SPTBN4: variants seen among roughly 807,000 people sequenced by gnomAD.
SPTBN4 encodes spectrin beta chain, non-erythrocytic 4.
SPTBN4 carries 96 observed loss-of-function variants against 277.8 expected under a neutral mutation model. The ratio of observed to expected loss-of-function variants is 0.35; its 90% CI spans 0.29 to 0.41. The LOEUF is 0.41. SPTBN4 is among the 10% of genes least tolerant of loss of function. The pLI, the probability that SPTBN4 is intolerant of heterozygous loss-of-function variation, is 1.00. For missense variants in SPTBN4, 3,006 were observed against 3,595.7 expected, an observed-to-expected ratio of 0.84 and a Z score of 4.19; for synonymous variants, 1,481 against 1,580.3, an observed-to-expected ratio of 0.94 and a Z score of 1.49.
Position 40,554,438 on chromosome 19 carries a change from TG to T in SPTBN4, c.4953+18del. On this transcript the variant is annotated intron_variant, in intron 23 of 35. Transcript: ENST00000598249. The surrounding 1 kb of genome is among the most constrained non-coding windows in gnomAD (Gnocchi z 5.7). ...GGACAAGGGCAAGGTGCGCCCGAGC[TG>T]GGGGTGCGGAGGGCCTGGGGGCGCT... 6.5e-7 allele frequency: 1 copy of T among 1,543,076 alleles called. No homozygotes were observed. Among genetic ancestry groups the T allele is most frequent in the South Asian group, 1.2e-5 (1 of 83,034 alleles).
chr19:40,544,296 C>G (rs1599788033), intron 20 of SPTBN4, among the ~76,000 whole-genome samples: 1 of 150,194 alleles, frequency 6.7e-6, no homozygotes, highest in Admixed American at 6.6e-5. Flanking sequence ...GCGCCTGCCA[C>G]AATGCCCGGC....
intron 20 of SPTBN4, among the ~76,000 whole-genome samples, chr19:40,543,745 G>T (rs977447410): frequency 6.6e-6 from 1 of 152,078 alleles, no homozygotes; most frequent in African/African-American, 2.4e-5. Flanking sequence ...AAAACATAAA[G>T]TCTCACTCCT....
intron 20 of SPTBN4, among the ~76,000 whole-genome samples, chr19:40,535,258 A>T (rs62107860): frequency 1.3e-3 from 193 of 151,838 alleles, no homozygotes; most frequent in Admixed American, 4.1e-3. Flanking sequence ...GGGTCTCACC[A>T]TATTGCCTAG....
At chr19:40,504,343 G>A (rs962793381) in intron 12 of SPTBN4, among the ~76,000 whole-genome samples, 1 of 152,032 alleles carries the variant, frequency 6.6e-6, no homozygotes, top group Non-Finnish European at 1.5e-5. Flanking sequence ...AAGAAACACA[G>A]AATGAGAAAG....
At chr19:40,550,412 T>C (rs1457728068) in intron 22 of SPTBN4, 85 bp downstream of exon 22, 14 of 1,258,752 alleles carry the variant, frequency 1.1e-5, no homozygotes, top group Non-Finnish European at 1.6e-5. Flanking sequence ...GCCAAAACAA[T>C]GAATGTATTG....
At chr19:40,516,016 CAT>C (rs1568798653) in intron 15 of SPTBN4, among the ~76,000 whole-genome samples, 1 of 135,204 alleles carries the variant, frequency 7.4e-6, no homozygotes, top group Non-Finnish European at 1.6e-5. Context: ...TATATACACA[CAT>C]ATACGTATAT....
At chr19:40,558,010 T>C (rs961118358) in intron 26 of SPTBN4, among the ~76,000 whole-genome samples, 12 of 151,442 alleles carry the variant, frequency 7.9e-5, no homozygotes, top group Admixed American at 4.0e-4. Flanking sequence ...ATCAAGGGTC[T>C]AAAGGGAATT....
At chr19:40,517,489 TCTCA>T (rs1364567539) in intron 15 of SPTBN4, among the ~76,000 whole-genome samples, 3 of 151,996 alleles carry the variant, frequency 2.0e-5, no homozygotes, top group Admixed American at 6.6e-5. Context: ...ACAGATGGGG[TCTCA>T]CTCTGTTGCC....
chr19:40,556,512 ATTG>A (rs922520337), intron 25 of SPTBN4, among the ~76,000 whole-genome samples: 196 of 151,910 alleles, frequency 1.3e-3, no homozygotes, highest in Admixed American at 3.4e-3. Context: ...ATTGTTACTT[ATTG>A]TTATTTTTAT....
chr19:40,546,224 T>TAAA (rs2080858225), intron 20 of SPTBN4, among the ~76,000 whole-genome samples: 1 of 79,384 alleles, frequency 1.3e-5, no homozygotes, highest in African/African-American at 5.1e-5. Flanking sequence ...AAACTCCATC[T>TAAA]CAAAAAAAAA....
Position 40,512,919 on chromosome 19 carries a change from G to A in SPTBN4, c.2130G>A (p.Gly710=). The A allele has an allele frequency of 7.0e-7, 1 of 1,426,752 alleles. No homozygotes were observed. Among genetic ancestry groups the A allele is most frequent in the South Asian group, 1.4e-5 (1 of 69,258 alleles). The allele number at this position is 1,426,752 out of a possible 1,614,324, so 88.4% of individuals were successfully genotyped here. A position where few individuals can be genotyped will look rare whatever the true frequency, so the allele number is the denominator to read the frequency against. ...AGATCCTGCAGGGCGAGCTGGGCGGGCGGCGAGCGTTGCTGCAGCAGGCCC... is the reference window on the plus strand; with the variant it reads ...AGATCCTGCAGGGCGAGCTGGGCGGACGGCGAGCGTTGCTGCAGCAGGCCC... ...QHKILQGELG[G]RRALLQQALR... is the part of the protein sequence containing the mutation. The change falls in exon 14 of 36, where the codon GGG becomes GGA. Residue 710 remains glycine (G), a synonymous_variant. Coordinates refer to ENST00000598249, the MANE Select transcript of SPTBN4 (RefSeq NM_020971.3).
chr19:40,489,998 T>C, intron 3 of SPTBN4, 77 bp from the exon 4 acceptor site: 1 of 1,437,264 alleles, frequency 7.0e-7, no homozygotes, highest in Admixed American at 2.7e-5. Context: ...GCGGGCTTCT[T>C]TGGAAGCTGC....
At chr19:40,521,082 G>A (rs2080521489) in intron 16 of SPTBN4, among the ~76,000 whole-genome samples, 1 of 152,078 alleles carries the variant, frequency 6.6e-6, no homozygotes, top group South Asian at 2.1e-4. Context: ...GAGCCACCAT[G>A]ACCAGCTAAT....
At chr19:40,473,620 G>C (rs2079912927) in intron 2 of SPTBN4, among the ~76,000 whole-genome samples, 1 of 151,988 alleles carries the variant, frequency 6.6e-6, no homozygotes, top group South Asian at 2.1e-4. Flanking sequence ...GCCTCCCAAA[G>C]TGCTGAGATT....
chr19:40,519,788 C>A lies in SPTBN4; in HGVS notation c.3291C>A (p.Leu1097=). The A allele has an allele frequency of 7.0e-7, 1 of 1,434,238 alleles. No homozygotes were observed. The allele number at this position is 1,434,238 out of a possible 1,614,324, so 88.8% of individuals were successfully genotyped here. ...AGRLQRFLHD[L]DAFLDWLVRA... is the part of the protein sequence containing the mutation. ...GCCTGCAGCGCTTCCTACATGACCT[C>A]GACGCTTTCCTGGACTGGCTCGTGC... Residue 1097 remains leucine (L), a synonymous_variant, in exon 16 of 36, where the codon CTC becomes CTA. Coordinates refer to ENST00000598249, the MANE Select transcript of SPTBN4 (RefSeq NM_020971.3). The surrounding 1 kb of genome is among the most constrained non-coding windows in gnomAD (Gnocchi z 5.7).
rs866579209 is a variant in SPTBN4, at chr19:40,567,718, G to T, written c.6392G>T (p.Arg2131Leu). The change falls in exon 31 of 36, where the codon CGC (arginine) becomes CTC (leucine). Residue 2131 changes from arginine (R) to leucine (L), a missense_variant. Arg to Leu is a moderately radical substitution (Grantham distance 102). Transcript: ENST00000598249. ...SKQPPTPLLG[R>L]KFFGDPTELA... is the part of the protein sequence containing the mutation. The stretch of plus-strand genomic sequence containing the variant: ...CAGCCGCCTACCCCACTGCTGGGGC[G>T]CAAGTTCTTTGGGGACCCCACGGAA... 5 of 1,555,772 alleles carry T rather than the reference G, an allele frequency of 3.2e-6. No individual in the cohort carries two copies. Among genetic ancestry groups the T allele is most frequent in the Admixed American group, 1.9e-5 (1 of 52,140 alleles).
At chr19:40,553,493 C>G (rs2080941339) in intron 22 of SPTBN4, among the ~76,000 whole-genome samples, 1 of 152,052 alleles carries the variant, frequency 6.6e-6, no homozygotes, top group Non-Finnish European at 1.5e-5. Context: ...GACTTGCTGG[C>G]TGTTATTATC....
intron 4 of SPTBN4, among the ~76,000 whole-genome samples, chr19:40,491,457 T>A (rs1248919922): frequency 3.3e-5 from 5 of 151,880 alleles, no homozygotes; most frequent in Non-Finnish European, 7.4e-5. Flanking sequence ...GATAGATCCC[T>A]TTGGCTGGGC....
At chr19:40,530,060 C>A (rs886458821) in intron 18 of SPTBN4, among the ~76,000 whole-genome samples, 2 of 152,116 alleles carry the variant, frequency 1.3e-5, no homozygotes, top group African/African-American at 4.8e-5. Context: ...TGGAGGAACC[C>A]CCTGTTCCCC....
Sources: allele counts gnomAD v4.1 joint callset (sites outside exome capture counted in the v4.1 genomes callset), GRCh38; gene constraint gnomAD v4.1.1; non-coding constraint Gnocchi (gnomAD v3.1); transcripts MANE v1.5; gene names NCBI Gene and HGNC (gene_info 2026-07-23, HGNC 2026-07-21).